Variants in ALPK2 observed in about 807,000 individuals in gnomAD.
The protein encoded by ALPK2 is alpha-protein kinase 2.
Under a neutral mutation model 163.1 loss-of-function variants are expected in ALPK2, and 127 were observed. The ratio of observed to expected loss-of-function variants is 0.78; its 90% CI spans 0.67 to 0.90. The LOEUF is 0.90. Among genes scored for constraint, ALPK2 ranks in the 40% least tolerant of loss-of-function variants. The pLI, the probability that ALPK2 is intolerant of heterozygous loss-of-function variation, is 0.00. For missense variants in ALPK2, 2,360 were observed against 2,589.6 expected, an observed-to-expected ratio of 0.91 and a Z score of 1.92; for synonymous variants, 953 against 959.1, an observed-to-expected ratio of 0.99 and a Z score of 0.12.
At position 58,578,736 on chromosome 18, in the gene ALPK2, A is replaced by ACACACACGCGCGCGCGCG. The variant is rs773192836; in HGVS notation, c.1962+77_1962+78insCGCGCGCGCGCGTGTGTG. ...GTGAATGTGAAGTAAAGGAAGAGACACACACACACACACACACACACACAC... is the reference window on the plus strand; with the variant it reads ...GTGAATGTGAAGTAAAGGAAGAGACACACACACGCGCGCGCGCGCACACACACACACACACACACACAC... On this transcript the variant is annotated intron_variant, in intron 4 of 12. Transcript: ENST00000361673. 1.2e-3 allele frequency: 875 copies of ACACACACGCGCGCGCGCG among 758,578 alleles called. 11 individuals carry two copies. The highest frequency in any genetic ancestry group is 1.3e-3 in the Non-Finnish European group (655 of 491,666). 47.0% of individuals were successfully genotyped at this position (758,578 alleles called of 1,614,324 possible). A position where few individuals can be genotyped will look rare whatever the true frequency, so the allele number is the denominator to read the frequency against.
intron 12 of ALPK2, among the ~76,000 whole-genome samples, chr18:58,494,483 G>T (rs987392528): frequency 5.9e-4 from 90 of 152,308 alleles, no homozygotes; most frequent in African/African-American, 2.1e-3. Flanking sequence ...CATAGCCTTT[G>T]ACTTCATTGA....
In ALPK2 at chr18:58,573,298, A is replaced by G. The variant is rs955682768; in HGVS notation, c.1962+5516T>C. 2.8e-5 allele frequency among the ~76,000 whole-genome samples: 4 copies of G among 144,050 alleles called. No individual in the cohort carries two copies. The South Asian group carries it at 6.4e-4, about 23-fold the overall frequency. The allele number at this position is 144,050 out of a possible 152,430, so 94.5% of individuals were successfully genotyped here. The stretch of plus-strand genomic sequence containing the variant: ...TGTATATATGTGTATATATGTATAT[A>G]TGTGTGTATATATATGTGTGTATAT... On this transcript the variant is annotated intron_variant, in intron 4 of 12. Coordinates refer to ENST00000361673, the MANE Select transcript of ALPK2 (RefSeq NM_052947.4).
intron 4 of ALPK2, among the ~76,000 whole-genome samples, chr18:58,574,908 C>A (rs57248477): frequency 6.6e-6 from 1 of 152,138 alleles, no homozygotes; most frequent in African/African-American, 2.4e-5. Flanking sequence ...TGGAGACCAA[C>A]GATCATTAGA....
At chr18:58,519,485 A>T (rs964471763) in intron 8 of ALPK2, among the ~76,000 whole-genome samples, 6 of 152,176 alleles carry the variant, frequency 3.9e-5, no homozygotes, top group African/African-American at 1.4e-4. Context: ...TGTGCACCCT[A>T]TGCTTTAAAA....
At chr18:58,606,584 T>C (rs73961646) in intron 3 of ALPK2, among the ~76,000 whole-genome samples, 13,694 of 152,164 alleles carry the variant, frequency 0.09, 1,507 homozygotes, top group African/African-American at 0.26. Context: ...TGGAACTCAG[T>C]AAGTCTTTTT....
At chr18:58,503,691 C>G (rs2051445368) in intron 11 of ALPK2, among the ~76,000 whole-genome samples, 1 of 152,126 alleles carries the variant, frequency 6.6e-6, no homozygotes, top group East Asian at 1.9e-4. Context: ...AGAGTGAGAC[C>G]CTGTCCCCCC....
At chr18:58,554,643 C>T (rs2051779681) in intron 4 of ALPK2, among the ~76,000 whole-genome samples, 1 of 152,206 alleles carries the variant, frequency 6.6e-6, no homozygotes, top group Non-Finnish European at 1.5e-5. Context: ...TCAGTTGGTC[C>T]TTTCGACCAG....
At chr18:58,507,274 G>C (rs2051466695) in intron 10 of ALPK2, among the ~76,000 whole-genome samples, 1 of 152,194 alleles carries the variant, frequency 6.6e-6, no homozygotes, top group Non-Finnish European at 1.5e-5. Context: ...CTATAACAGA[G>C]ACCTATGCAT....
rs2051525859 is a variant in ALPK2, at chr18:58,517,069, C to T, written c.5779G>A (p.Glu1927Lys). The T allele has an allele frequency of 1.2e-6, 2 of 1,614,134 alleles. No individual in the cohort carries two copies. Among genetic ancestry groups the T allele is most frequent in the South Asian group, 1.1e-5 (1 of 91,082 alleles). Residue 1927 changes from glutamate to lysine, a missense_variant, in exon 9 of 13, where the codon GAA (glutamate) becomes AAA (lysine). Coordinates refer to ENST00000361673, the MANE Select transcript of ALPK2 (RefSeq NM_052947.4). ...CGGAAGGCTTTGCGGTGAACCCCTTCTCCAAAGTGCAGCTCCTCCGTGGCG... is the reference window on the plus strand; with the variant it reads ...CGGAAGGCTTTGCGGTGAACCCCTTTTCCAAAGTGCAGCTCCTCCGTGGCG... ...QIATEELHFG[E>K]GVHRKAFRST...
At chr18:58,544,386 G>T (rs2051706816) in intron 4 of ALPK2, 1 of 152,160 alleles carries the variant, frequency 6.6e-6, no homozygotes, top group Non-Finnish European at 1.5e-5. Context: ...GGATGTTCAA[G>T]GTTATGCTTT....
intron 3 of ALPK2, among the ~76,000 whole-genome samples, chr18:58,600,456 A>G (rs2052063519): frequency 6.6e-6 from 1 of 152,204 alleles, no homozygotes; most frequent in Non-Finnish European, 1.5e-5. Flanking sequence ...GTGATTATGT[A>G]TAGAAAGAGG....
At chr18:58,614,528 T>G (rs1376101474) in intron 1 of ALPK2, among the ~76,000 whole-genome samples, 1 of 152,234 alleles carries the variant, frequency 6.6e-6, no homozygotes, top group Non-Finnish European at 1.5e-5. Flanking sequence ...ATCTGCTAGA[T>G]AGCAAATAAA....
chr18:58,626,556 A>G (rs1035427044), intron 1 of ALPK2, among the ~76,000 whole-genome samples: 1 of 151,988 alleles, frequency 6.6e-6, no homozygotes, highest in African/African-American at 2.4e-5. Flanking sequence ...GCCTTTCATT[A>G]CTATGGATTC....
chr18:58,622,539 C>A (rs895567769), intron 1 of ALPK2, among the ~76,000 whole-genome samples: 2 of 152,190 alleles, frequency 1.3e-5, no homozygotes, highest in African/African-American at 2.4e-5. Context: ...AGGATACATC[C>A]TCTTGCCTAT....
chr18:58,581,130 T>A (rs370974793), intron 3 of ALPK2, among the ~76,000 whole-genome samples: 4 of 152,214 alleles, frequency 2.6e-5, no homozygotes, highest in Non-Finnish European at 4.4e-5. Context: ...ATATTCTAAT[T>A]TTTTCTTCTT....
intron 6 of ALPK2, among the ~76,000 whole-genome samples, chr18:58,524,869 G>T (rs936536817): frequency 6.8e-6 from 1 of 147,520 alleles, no homozygotes; most frequent in African/African-American, 2.5e-5. Flanking sequence ...TATGGTTCCC[G>T]CCCTCAAGTC....
At chr18:58,570,788 T>A (rs1316591829) in intron 4 of ALPK2, among the ~76,000 whole-genome samples, 1 of 152,230 alleles carries the variant, frequency 6.6e-6, no homozygotes, top group East Asian at 1.9e-4. Flanking sequence ...AATAGTCCTA[T>A]TGATTAACTA....
chr18:58,616,803 A>G (rs759380929), intron 1 of ALPK2, among the ~76,000 whole-genome samples: 3 of 152,076 alleles, frequency 2.0e-5, no homozygotes, highest in Admixed American at 6.5e-5. Context: ...TCTGTGAGCT[A>G]CTCTGGCAAA....
chr18:58,506,475 C>T (rs1389085918), intron 10 of ALPK2, among the ~76,000 whole-genome samples: 1 of 152,102 alleles, frequency 6.6e-6, no homozygotes, highest in Non-Finnish European at 1.5e-5. Context: ...CCCCACCCCC[C>T]ACATCTGCCT....
Sources: allele counts gnomAD v4.1 joint callset (sites outside exome capture counted in the v4.1 genomes callset), GRCh38; gene constraint gnomAD v4.1.1; transcripts MANE v1.5; gene names NCBI Gene and HGNC (gene_info 2026-07-23, HGNC 2026-07-21).